Variants in CCR5AS observed in about 807,000 individuals in gnomAD.
CCR5AS encodes CCR5 antisense RNA.
chr3:46,368,781 T>C (rs938976021), intron 3 of CCR5AS, among the ~76,000 whole-genome samples: 2 of 152,208 alleles, frequency 1.3e-5, no homozygotes, highest in African/African-American at 4.8e-5. Flanking sequence ...CCGAGCCTGC[T>C]CCGCTAGCCC....
chr3:46,385,150 A>C (rs1438482724), intron 2 of CCR5AS, among the ~76,000 whole-genome samples: 1 of 152,194 alleles, frequency 6.6e-6, no homozygotes, highest in Admixed American at 6.5e-5. Context: ...TTATCACTCC[A>C]CAGTCCCCAT....
intron 3 of CCR5AS, among the ~76,000 whole-genome samples, chr3:46,370,462 G>T (rs1701646920): frequency 6.6e-6 from 1 of 152,188 alleles, no homozygotes; most frequent in Non-Finnish European, 1.5e-5. Flanking sequence ...TTAATGTGAA[G>T]TCCAGGATCC....
At chr3:46,405,905 G>T (rs1490660430) in intron 1 of CCR5AS, among the ~76,000 whole-genome samples, 3 of 141,752 alleles carry the variant, frequency 2.1e-5, no homozygotes, top group Non-Finnish European at 4.5e-5. Context: ...ACAGTGTCTC[G>T]CTCTGCCACC....
chr3:46,385,441 G>A (rs1701852413), intron 2 of CCR5AS, among the ~76,000 whole-genome samples: 1 of 152,138 alleles, frequency 6.6e-6, no homozygotes, highest in South Asian at 2.1e-4. Flanking sequence ...AAAAGCAACT[G>A]GATCCAATAT....
At chr3:46,385,308 G>T (rs1426424583) in intron 2 of CCR5AS, among the ~76,000 whole-genome samples, 1 of 152,144 alleles carries the variant, frequency 6.6e-6, no homozygotes. Context: ...AATAAGGGTG[G>T]TCACAGGAGA....
At chr3:46,378,816 C>A (rs144708264) in intron 2 of CCR5AS, among the ~76,000 whole-genome samples, 1 of 152,262 alleles carries the variant, frequency 6.6e-6, no homozygotes, top group East Asian at 1.9e-4. Flanking sequence ...CCAGACCAAT[C>A]TCTGCAGTGT....
At chr3:46,397,962 GAC>G (rs1172231078) in intron 1 of CCR5AS, among the ~76,000 whole-genome samples, 2 of 152,218 alleles carry the variant, frequency 1.3e-5, no homozygotes, top group Non-Finnish European at 2.9e-5. Flanking sequence ...GTGTAACTCC[GAC>G]ACGGGGCAGA....
chr3:46,392,541 T>C lies in CCR5AS; in HGVS notation n.391+284A>G, dbSNP rs147728908. Among the ~76,000 whole-genome samples, 356 of 152,268 alleles carry C rather than the reference T, an allele frequency of 2.3e-3. 12 individuals carry two copies. In the East Asian group the frequency reaches 0.063, roughly 27 times the overall value. On this transcript the variant is annotated intron_variant and non_coding_transcript_variant, in intron 2 of 3. Coordinates refer to ENST00000451485, the Ensembl canonical transcript of CCR5AS. ...AAAGCTGGTGTCCCAGCAATTGACTTACCACCAAGGGAATGTGGGTGAATG... is the reference window on the plus strand; with the variant it reads ...AAAGCTGGTGTCCCAGCAATTGACTCACCACCAAGGGAATGTGGGTGAATG...
intron 2 of CCR5AS, chr3:46,373,608 C>T: frequency 1.9e-6 from 3 of 1,613,998 alleles, no homozygotes; most frequent in Non-Finnish European, 2.5e-6. Context: ...GGCTGTGAGG[C>T]TTATCTTCAC....
intron 2 of CCR5AS, chr3:46,372,966 A>T (rs768398484): frequency 1.2e-6 from 2 of 1,613,394 alleles, no homozygotes; most frequent in Admixed American, 3.3e-5. Flanking sequence ...GCCCTGCCAA[A>T]AAATCAATGT....
chr3:46,393,867 C>T (rs891782658), intron 1 of CCR5AS, among the ~76,000 whole-genome samples: 2 of 152,200 alleles, frequency 1.3e-5, no homozygotes, highest in African/African-American at 4.8e-5. Flanking sequence ...AGGGTTAAAT[C>T]GGCACAAATG....
At chr3:46,383,347 G>T (rs999298508) in intron 2 of CCR5AS, among the ~76,000 whole-genome samples, 5 of 152,132 alleles carry the variant, frequency 3.3e-5, no homozygotes, top group African/African-American at 1.2e-4. Flanking sequence ...AGAGAGTGAG[G>T]GCAGCAGGCC....
chr3:46,381,624 T>C (rs780472456), intron 2 of CCR5AS, among the ~76,000 whole-genome samples: 33 of 152,252 alleles, frequency 2.2e-4, no homozygotes, highest in Admixed American at 1.2e-3. Flanking sequence ...AGAATTTCAA[T>C]ATTGTCTATG....
In CCR5AS at chr3:46,398,234, A is replaced by G. The variant is rs1373515365; in HGVS notation, n.164-5182T>C. On this transcript the variant is annotated intron_variant and non_coding_transcript_variant, in intron 1 of 3. Coordinates refer to ENST00000451485, the Ensembl canonical transcript of CCR5AS. ...AGGCGCGGAAAATTCATATCAGGCC[A>G]TTGATGCCCTCAATGTTCCCGGCTG... 3.1e-4 allele frequency among the ~76,000 whole-genome samples: 47 copies of G among 152,168 alleles called. 1 individual carries two copies. Among genetic ancestry groups the G allele is most frequent in the Non-Finnish European group, 1.6e-4 (11 of 68,040 alleles).
At chr3:46,377,907 G>A (rs754867562) in intron 2 of CCR5AS, among the ~76,000 whole-genome samples, 10 of 152,044 alleles carry the variant, frequency 6.6e-5, no homozygotes, top group Middle Eastern at 3.2e-3. Context: ...GGGTTTCACC[G>A]TATTAGCCAG....
intron 2 of CCR5AS, chr3:46,373,977 G>A (rs764761704): frequency 6.5e-7 from 1 of 1,537,846 alleles, no homozygotes; most frequent in Admixed American, 1.9e-5. Flanking sequence ...ACTCAAGTGG[G>A]CTGGTGACCC....
At position 46,373,415 on chromosome 3, in the gene CCR5AS, A is replaced by G. The variant is rs767604123; in HGVS notation, n.392-1998T>C. 6 of 1,612,328 alleles carry G rather than the reference A, an allele frequency of 3.7e-6. No homozygotes were observed. The East Asian group carries it at 1.3e-4, about 36-fold the overall frequency. ...GAATCATCTTTACCAGATCTCAAAAAGAAGGTCTTCATTACACCTGCAGCT... is the reference window on the plus strand; with the variant it reads ...GAATCATCTTTACCAGATCTCAAAAGGAAGGTCTTCATTACACCTGCAGCT... On this transcript the variant is annotated intron_variant and non_coding_transcript_variant, in intron 2 of 3. Transcript: ENST00000451485.
At chr3:46,406,392 G>A (rs1041737121) in intron 1 of CCR5AS, among the ~76,000 whole-genome samples, 7 of 151,606 alleles carry the variant, frequency 4.6e-5, no homozygotes, top group African/African-American at 1.2e-4. Flanking sequence ...TCCTCTTCTC[G>A]GTTCGTCCTT....
intron 2 of CCR5AS, among the ~76,000 whole-genome samples, chr3:46,386,208 A>C (rs1170989765): frequency 6.6e-6 from 1 of 151,980 alleles, no homozygotes; most frequent in African/African-American, 2.4e-5. Flanking sequence ...GAGCCACCCC[A>C]CCCGACCACA....
Sources: gnomAD v4.1 joint callset for allele counts (sites outside exome capture counted in the v4.1 genomes callset) on GRCh38, gnomAD v4.1.1 for gene constraint, MANE v1.5 for transcripts, NCBI Gene and HGNC (gene_info 2026-07-23, HGNC 2026-07-21) for gene names.